The following THNSL1 variants were observed in gnomAD, a reference collection of about 807,000 sequenced individuals.
THNSL1 encodes the protein threonine synthase like 1.
Under a neutral mutation model 50.4 loss-of-function variants are expected in THNSL1, and 48 were observed. That is an observed-to-expected ratio of 0.95 (90% CI 0.76 to 1.21). The LOEUF is 1.21. Among genes scored for constraint, THNSL1 ranks in the 50% most tolerant of loss-of-function variants. The pLI is 0.00. For missense variants in THNSL1, 896 were observed against 871.7 expected, an observed-to-expected ratio of 1.03 and a Z score of -0.35; for synonymous variants, 309 against 306.1, an observed-to-expected ratio of 1.01 and a Z score of -0.10.
At position 25,025,375 on chromosome 10, in the gene THNSL1, A is replaced by T; in HGVS notation, c.2152A>T (p.Met718Leu). The stretch of plus-strand genomic sequence containing the variant: ...AGAGAGAACAAAACAGCAAGAGAAG[A>T]TGGAGTACCAGGTCTGTGCAGCTGA... ...LLERTKQQEK[M>L]EYQVCAADMN... Residue 718 changes from methionine to leucine, a missense_variant, in exon 3 of 3, where the codon ATG (methionine) becomes TTG (leucine). Met to Leu is a conservative substitution (Grantham distance 15). Coordinates refer to ENST00000376356, the MANE Select transcript of THNSL1 (RefSeq NM_024838.5). 2 of 1,614,266 alleles carry T rather than the reference A, an allele frequency of 1.2e-6. No individual in the cohort carries two copies. Among genetic ancestry groups the T allele is most frequent in the Non-Finnish European group, 1.7e-6 (2 of 1,180,050 alleles).
At chr10:24,955,218 A>G in the THNSL1 span, among the ~76,000 whole-genome samples, 1 of 152,190 alleles carries the variant, frequency 6.6e-6, no homozygotes, top group African/African-American at 2.4e-5. Flanking sequence ...CTCACTCACT[A>G]TAACGAGAAC....
the THNSL1 span, among the ~76,000 whole-genome samples, chr10:24,997,377 CTTTTTTT>C: frequency 7.2e-6 from 1 of 139,150 alleles, no homozygotes; most frequent in East Asian, 2.1e-4. Context: ...CCCTGCATTC[CTTTTTTT>C]TTTTTTTTTC....
chr10:24,976,113 A>G, the THNSL1 span, among the ~76,000 whole-genome samples: 5 of 152,176 alleles, frequency 3.3e-5, no homozygotes, highest in Non-Finnish European at 7.3e-5. Flanking sequence ...AAAACTCAGA[A>G]TATTGTGGTG....
the THNSL1 span, chr10:24,995,897 T>C: frequency 6.4e-6 from 10 of 1,560,044 alleles, no homozygotes; most frequent in African/African-American, 2.7e-5. Flanking sequence ...TCTTTGTTAA[T>C]ATTAAACTAC....
At chr10:24,962,626 A>T in the THNSL1 span, among the ~76,000 whole-genome samples, 5 of 152,338 alleles carry the variant, frequency 3.3e-5, no homozygotes, top group Admixed American at 2.6e-4. Context: ...TTGTCCCTCA[A>T]TGCAGAAGTG....
the THNSL1 span, among the ~76,000 whole-genome samples, chr10:24,963,324 G>T: frequency 6.6e-6 from 1 of 152,208 alleles, no homozygotes; most frequent in East Asian, 1.9e-4. Flanking sequence ...TCTGTGTGCA[G>T]TGTTACCTGT....
the THNSL1 span, among the ~76,000 whole-genome samples, chr10:24,988,795 T>C: frequency 1.4e-5 from 2 of 147,668 alleles, no homozygotes; most frequent in Admixed American, 1.4e-4. Context: ...ATAATGAGAC[T>C]GTTATTTTAT....
At chr10:24,985,901 CTACAAAAAA>C in the THNSL1 span, among the ~76,000 whole-genome samples, 1 of 152,088 alleles carries the variant, frequency 6.6e-6, no homozygotes, top group African/African-American at 2.4e-5. Context: ...AACCCTGTCG[CTACAAAAAA>C]TACAAAAAAT....
At chr10:24,990,737 T>C in the THNSL1 span, 6 of 941,362 alleles carry the variant, frequency 6.4e-6, no homozygotes, top group African/African-American at 1.7e-5. Flanking sequence ...ACCCTGTAAA[T>C]TGACAAAATT....
At chr10:24,953,972 A>G in the THNSL1 span, among the ~76,000 whole-genome samples, 2 of 152,202 alleles carry the variant, frequency 1.3e-5, no homozygotes, top group Admixed American at 6.5e-5. Flanking sequence ...ACTGCCTTAC[A>G]GAAATGGGGG....
the THNSL1 span, among the ~76,000 whole-genome samples, chr10:25,001,371 T>C: frequency 1.3e-5 from 2 of 152,016 alleles, 1 homozygote; most frequent in Admixed American, 1.3e-4. Context: ...CTCTTGGTAT[T>C]CTTTTTTCTA....
chr10:25,020,238 A>ATATATCTATATCTATATCTATATC lies in THNSL1; in HGVS notation c.-215-1486_-215-1463dup, dbSNP rs1554772119. On this transcript the variant is annotated intron_variant, in intron 1 of 2. Coordinates refer to ENST00000376356, the MANE Select transcript of THNSL1 (RefSeq NM_024838.5). ...TTGAACTGTCATAATTTTCTTTAAA[A>ATATATCTATATCTATATCTATATC]TATATCTATATCTATATCTATATCT... 9.4e-3 allele frequency among the ~76,000 whole-genome samples: 1,191 copies of ATATATCTATATCTATATCTATATC among 126,622 alleles called. 17 individuals carry two copies. Among genetic ancestry groups the ATATATCTATATCTATATCTATATC allele is most frequent in the African/African-American group, 0.028 (1,061 of 38,146 alleles). 83.1% of individuals were successfully genotyped at this position (126,622 alleles called of 152,430 possible).
chr10:24,967,714 C>T, the THNSL1 span, among the ~76,000 whole-genome samples: 1,326 of 147,676 alleles, frequency 9.0e-3, 16 homozygotes, highest in African/African-American at 0.028. Flanking sequence ...TGTGTGTATA[C>T]GTGTGTGATA....
rs544749287 is a variant in THNSL1 at position 25,025,794 on chromosome 10, C to G, written c.*339C>G. 3 of 210,604 alleles carry G rather than the reference C, an allele frequency of 1.4e-5. No individual in the cohort carries two copies. Among genetic ancestry groups the G allele is most frequent in the East Asian group, 2.3e-4 (2 of 8,642 alleles). 13.0% of individuals were successfully genotyped at this position (210,604 alleles called of 1,614,324 possible). On this transcript the variant is annotated 3_prime_UTR_variant, in exon 3 of 3. Transcript: ENST00000376356. ...TATTTGGCGATTAAAATATTTAAGC[C>G]CAGTTTTCAGGTACTACATCTGTAA...
the THNSL1 span, among the ~76,000 whole-genome samples, chr10:24,980,099 A>G: frequency 6.6e-6 from 1 of 152,158 alleles, no homozygotes; most frequent in Non-Finnish European, 1.5e-5. Flanking sequence ...TGCTCATCTG[A>G]TCTTCCACTT....
chr10:24,996,193 T>C, the THNSL1 span, among the ~76,000 whole-genome samples: 3 of 152,350 alleles, frequency 2.0e-5, no homozygotes, highest in East Asian at 3.9e-4. Flanking sequence ...CACGGTGACG[T>C]GGGCAGATCG....
At chr10:25,010,207 G>A in the THNSL1 span, among the ~76,000 whole-genome samples, 1 of 152,116 alleles carries the variant, frequency 6.6e-6, no homozygotes, top group Admixed American at 6.6e-5. Context: ...ACGGAGATGA[G>A]GAACTTGTTG....
At chr10:24,997,711 T>A in the THNSL1 span, among the ~76,000 whole-genome samples, 1 of 151,996 alleles carries the variant, frequency 6.6e-6, no homozygotes, top group Non-Finnish European at 1.5e-5. Context: ...ATTGATGAAT[T>A]ATTCTAAAGG....
rs145159651 is a variant in THNSL1, at chr10:25,024,088, G to A, written c.865G>A (p.Val289Ile). Reference protein sequence around the residue: ...EWKSLVGATYVERAQILLERC... With the variant: ...EWKSLVGATYIERAQILLERC... ...GAAAAGCCTAGTAGGAGCAACCTACGTAGAAAGAGCACAGATACTGTTGGA... is the reference window on the plus strand; with the variant it reads ...GAAAAGCCTAGTAGGAGCAACCTACATAGAAAGAGCACAGATACTGTTGGA... The change falls in exon 3 of 3, where the codon GTA becomes ATA. Residue 289 changes from valine (V) to isoleucine (I), a missense_variant. Coordinates refer to ENST00000376356, the MANE Select transcript of THNSL1 (RefSeq NM_024838.5). 1.5e-5 allele frequency: 24 copies of A among 1,614,060 alleles called. No individual in the cohort carries two copies. The highest frequency in any genetic ancestry group is 6.7e-5 in the African/African-American group (5 of 74,934).
Sources: allele counts gnomAD v4.1 joint callset (sites outside exome capture counted in the v4.1 genomes callset), GRCh38; gene constraint gnomAD v4.1.1; transcripts MANE v1.5; gene names NCBI Gene and HGNC (gene_info 2026-07-23, HGNC 2026-07-21).